Variants in WDR7 observed in about 807,000 individuals in gnomAD.
The protein encoded by WDR7 is WD repeat domain 7.
Under a neutral mutation model 169.4 loss-of-function variants are expected in WDR7, and 46 were observed. The ratio of observed to expected loss-of-function variants is 0.27; its 90% CI spans 0.21 to 0.35. The LOEUF is 0.35. WDR7 is among the 10% of genes least tolerant of loss of function. The pLI is 1.00. For synonymous variants in WDR7, 612 were observed against 666.8 expected, an observed-to-expected ratio of 0.92 and a Z score of 1.27; for missense variants, 1,534 against 1,859.3, an observed-to-expected ratio of 0.83 and a Z score of 3.22.
intron 16 of WDR7, among the ~76,000 whole-genome samples, chr18:56,760,822 A>G (rs1043592768): frequency 1.3e-5 from 2 of 152,212 alleles, no homozygotes; most frequent in African/African-American, 4.8e-5. Flanking sequence ...GTTGACTAGG[A>G]TATGGAGCAA....
chr18:56,820,508 A>AT (rs138049227), intron 20 of WDR7, among the ~76,000 whole-genome samples: 4 of 151,856 alleles, frequency 2.6e-5, no homozygotes, highest in African/African-American at 9.7e-5. Context: ...CTACATTTTG[A>AT]TTACTCATTC....
At position 57,027,292 on chromosome 18, in the gene WDR7, T is replaced by C. The variant is rs905341629; in HGVS notation, c.*85T>C. On this transcript the variant is annotated 3_prime_UTR_variant, in exon 28 of 28. Coordinates refer to ENST00000254442, the MANE Select transcript of WDR7 (RefSeq NM_015285.3). ...CTCTGTCCTTCCTCACACCAGATTG[T>C]TCCCAGGGGCCTGCCCACCCCAGTG... is the stretch of plus-strand genomic sequence containing the variant. 2.0e-6 allele frequency: 3 copies of C among 1,489,514 alleles called. No homozygotes were observed. The highest frequency in any genetic ancestry group is 2.7e-6 in the Non-Finnish European group (3 of 1,113,002). 92.3% of individuals were successfully genotyped at this position (1,489,514 alleles called of 1,614,324 possible). A position where few individuals can be genotyped will look rare whatever the true frequency, so the allele number is the denominator to read the frequency against.
At chr18:56,718,870 CT>C (rs770560365) in intron 13 of WDR7, among the ~76,000 whole-genome samples, 1 of 152,004 alleles carries the variant, frequency 6.6e-6, no homozygotes, top group Non-Finnish European at 1.5e-5. Context: ...AGATTTTTTC[CT>C]TTTCTTCGTC....
chr18:56,715,024 T>C (rs890382952), intron 12 of WDR7, among the ~76,000 whole-genome samples: 11 of 152,228 alleles, frequency 7.2e-5, no homozygotes, highest in Admixed American at 1.3e-4. Flanking sequence ...CTTATGAAGA[T>C]AGATTACGTT....
At chr18:56,965,499 C>T (rs1017100433) in intron 26 of WDR7, among the ~76,000 whole-genome samples, 2 of 150,622 alleles carry the variant, frequency 1.3e-5, no homozygotes, top group African/African-American at 4.9e-5. Context: ...TTATGCAAAA[C>T]CACAGGATAA....
At position 56,679,693 on chromosome 18, in the gene WDR7, T is replaced by C. The variant is rs112903752; in HGVS notation, c.266+255T>C. Among the ~76,000 whole-genome samples the C allele has an allele frequency of 7.4e-3, 1,133 of 152,302 alleles. 19 individuals carry two copies. Among genetic ancestry groups the C allele is most frequent in the African/African-American group, 0.026 (1,069 of 41,572 alleles). Reference sequence around the variant, plus strand: ...CTTGCTTTTAAGGAACTCAGAATACTATAAAAGTTAAAGCACGATCATTCA... The same window carrying C: ...CTTGCTTTTAAGGAACTCAGAATACCATAAAAGTTAAAGCACGATCATTCA... On this transcript the variant is annotated intron_variant, in intron 3 of 27. Transcript: ENST00000254442.
In WDR7 at chr18:56,941,710, C is replaced by A. The variant is rs546459492; in HGVS notation, c.4064+2317C>A. On this transcript the variant is annotated intron_variant, in intron 25 of 27. Transcript: ENST00000254442. ...TAATGTTGAAGAGAAAAAAATAATT[C>A]TCAGCTGGGGTCACTGTCTATGTGG... is the stretch of plus-strand genomic sequence containing the variant. 1.8e-3 allele frequency among the ~76,000 whole-genome samples: 272 copies of A among 152,258 alleles called. 1 individual carries two copies. The highest frequency in any genetic ancestry group is 6.1e-3 in the African/African-American group (255 of 41,536).
chr18:56,814,804 TA>T (rs574631201), intron 19 of WDR7, among the ~76,000 whole-genome samples: 178 of 147,634 alleles, frequency 1.2e-3, no homozygotes, highest in African/African-American at 2.8e-3. Flanking sequence ...AGTTAAAAAT[TA>T]AAAAAAAAAA....
At chr18:56,742,985 T>C (rs1309315159) in intron 14 of WDR7, among the ~76,000 whole-genome samples, 1 of 152,188 alleles carries the variant, frequency 6.6e-6, no homozygotes, top group Non-Finnish European at 1.5e-5. Flanking sequence ...AAAGGAATTA[T>C]ATATGAAAGC....
intron 21 of WDR7, among the ~76,000 whole-genome samples, chr18:56,921,070 C>A (rs1437627225): frequency 1.3e-5 from 2 of 152,120 alleles, no homozygotes; most frequent in Non-Finnish European, 2.9e-5. Flanking sequence ...TCTTAGGCAT[C>A]CCAGATTATT....
chr18:56,723,524 G>C (rs1464766813), intron 13 of WDR7, among the ~76,000 whole-genome samples: 2 of 152,044 alleles, frequency 1.3e-5, no homozygotes, highest in Non-Finnish European at 2.9e-5. Flanking sequence ...TTTGCTGTCT[G>C]TACTCCAGCT....
At chr18:56,763,366 G>A (rs2044010504) in intron 16 of WDR7, among the ~76,000 whole-genome samples, 1 of 152,076 alleles carries the variant, frequency 6.6e-6, no homozygotes, top group Non-Finnish European at 1.5e-5. Flanking sequence ...CTATTGAAAT[G>A]ATTATTTGAT....
chr18:56,794,302 C>CTGTTTTTTTTTTTT (rs1217568621), intron 19 of WDR7, among the ~76,000 whole-genome samples: 1 of 29,466 alleles, frequency 3.4e-5, no homozygotes, highest in Admixed American at 5.2e-4. Context: ...AAGGTAAAGT[C>CTGTTTTTTTTTTTT]TATTTTTTTT....
At chr18:56,730,413 C>G (rs1300586246) in intron 13 of WDR7, among the ~76,000 whole-genome samples, 1 of 152,076 alleles carries the variant, frequency 6.6e-6, no homozygotes, top group African/African-American at 2.4e-5. Context: ...TTTGCTGTGA[C>G]TTAGACAAGA....
chr18:56,789,382 T>C (rs2044450336), intron 19 of WDR7, among the ~76,000 whole-genome samples: 1 of 152,250 alleles, frequency 6.6e-6, no homozygotes, highest in Admixed American at 6.5e-5. Flanking sequence ...ATTCTGTATG[T>C]TAGGAGCTCC....
At chr18:56,939,248 C>G in intron 24 of WDR7, 63 bp from the exon 25 acceptor site, 1 of 1,259,612 alleles carries the variant, frequency 7.9e-7, no homozygotes, top group Non-Finnish European at 1.1e-6. Context: ...CTAAATTAAT[C>G]ATTTACATTT....
intron 26 of WDR7, among the ~76,000 whole-genome samples, chr18:57,000,200 A>G (rs2047955830): frequency 6.6e-6 from 1 of 152,306 alleles, no homozygotes; most frequent in South Asian, 2.1e-4. Flanking sequence ...AAAGAGATTT[A>G]TTAGTATTTG....
chr18:56,747,273 C>T (rs1053725987), intron 14 of WDR7, among the ~76,000 whole-genome samples: 7 of 152,256 alleles, frequency 4.6e-5, no homozygotes, highest in Admixed American at 3.3e-4. Flanking sequence ...CCTTAGGTGA[C>T]TGACTGACTT....
At chr18:57,023,797 C>T (rs745930394) in intron 27 of WDR7, among the ~76,000 whole-genome samples, 2 of 152,130 alleles carry the variant, frequency 1.3e-5, no homozygotes, top group African/African-American at 2.4e-5. Flanking sequence ...CAAATCTTAC[C>T]ACCACTGTCC....
Sources: gnomAD v4.1 joint callset for allele counts (sites outside exome capture counted in the v4.1 genomes callset) on GRCh38, gnomAD v4.1.1 for gene constraint, MANE v1.5 for transcripts, NCBI Gene and HGNC (gene_info 2026-07-23, HGNC 2026-07-21) for gene names.